The following PDE4B variants were observed in gnomAD, a reference collection of about 807,000 sequenced individuals.
PDE4B encodes the protein 3',5'-cyclic-AMP phosphodiesterase 4B.
Under a neutral mutation model 82.2 loss-of-function variants are expected in PDE4B, and 20 were observed. The ratio of observed to expected loss-of-function variants is 0.24; its 90% confidence interval spans 0.17 to 0.35. The LOEUF is 0.35. Among genes scored for constraint, PDE4B ranks in the 10% least tolerant of loss-of-function variants. The pLI, the probability that PDE4B is intolerant of heterozygous loss-of-function variation, is 1.00. For missense variants in PDE4B, 655 were observed against 907.2 expected (o/e 0.72, Z 3.57); for synonymous variants, 320 against 318.9 (o/e 1.00, Z -0.04).
chr1:66,268,071 A>G (rs1351110943), intron 7 of PDE4B, among the ~76,000 whole-genome samples: 3 of 152,218 alleles, frequency 2.0e-5, no homozygotes, highest in South Asian at 2.1e-4. Context: ...ATGTATTTCA[A>G]TTGAAATCTA....
chr1:65,860,023 A>ACT (rs776002773), intron 1 of PDE4B, among the ~76,000 whole-genome samples: 1 of 150,726 alleles, frequency 6.6e-6, no homozygotes, highest in Admixed American at 6.6e-5. Flanking sequence ...ATGAATTAAA[A>ACT]CTCTCTCTCT....
At chr1:66,352,374 G>A (rs1006214675) in intron 8 of PDE4B, among the ~76,000 whole-genome samples, 3 of 152,126 alleles carry the variant, frequency 2.0e-5, no homozygotes, top group Admixed American at 6.6e-5. Flanking sequence ...TAAACTATGC[G>A]GGAAAGGTGA....
intron 8 of PDE4B, among the ~76,000 whole-genome samples, chr1:66,337,194 G>T (rs935261357): frequency 6.6e-6 from 1 of 152,136 alleles, no homozygotes; most frequent in African/African-American, 2.4e-5. Context: ...CAGCAGTGCC[G>T]CCCTTAGCAT....
intron 7 of PDE4B, among the ~76,000 whole-genome samples, chr1:66,268,659 C>T (rs1267160923): frequency 1.0e-5 from 1 of 100,238 alleles, no homozygotes; most frequent in Admixed American, 1.3e-4. Flanking sequence ...CAGAGCAAGA[C>T]TCCATCTCAA....
intron 1 of PDE4B, among the ~76,000 whole-genome samples, chr1:65,793,772 T>A (rs1645600949): frequency 6.6e-6 from 1 of 152,096 alleles, no homozygotes; most frequent in Non-Finnish European, 1.5e-5. Context: ...TTTGGGAAGA[T>A]TTGTCTGGTG....
At chr1:65,941,096 T>C (rs925719702) in intron 3 of PDE4B, among the ~76,000 whole-genome samples, 11 of 152,060 alleles carry the variant, frequency 7.2e-5, no homozygotes, top group Admixed American at 6.6e-4. Context: ...GAGGTTTGAA[T>C]GTTATCTTAC....
chr1:65,992,632 A>C, intron 3 of PDE4B: 1 of 779,374 alleles, frequency 1.3e-6, no homozygotes, highest in South Asian at 4.1e-5. Flanking sequence ...TAGCTTGCAG[A>C]CAAACCTCAT....
In PDE4B at chr1:66,363,389, A is replaced by G; in HGVS notation, c.1120-18A>G. 1 of 1,601,594 alleles carries G rather than the reference A, an allele frequency of 6.2e-7. No homozygotes were observed. The highest frequency in any genetic ancestry group is 8.5e-7 in the Non-Finnish European group (1 of 1,172,518). On this transcript the variant is annotated intron_variant, in intron 11 of 16. Coordinates refer to ENST00000341517, the MANE Select transcript of PDE4B (RefSeq NM_002600.4). ...TGGACATCTACTTATTTATGTTCTAATCCATTTTACAACACAGGAAAGAGA... is the reference window on the plus strand; with the variant it reads ...TGGACATCTACTTATTTATGTTCTAGTCCATTTTACAACACAGGAAAGAGA...
At chr1:66,303,341 A>ATG (rs1203280434) in intron 7 of PDE4B, among the ~76,000 whole-genome samples, 38 of 119,898 alleles carry the variant, frequency 3.2e-4, no homozygotes, top group African/African-American at 9.9e-4. Context: ...TTATATATAT[A>ATG]TGTGTGTGTG....
At chr1:66,288,173 G>C (rs1366819530) in intron 7 of PDE4B, among the ~76,000 whole-genome samples, 3 of 151,984 alleles carry the variant, frequency 2.0e-5, no homozygotes, top group Non-Finnish European at 4.4e-5. Context: ...GAAGGTGAAG[G>C]GGAAGCAGGC....
At chr1:66,121,237 A>C (rs190657665) in intron 3 of PDE4B, among the ~76,000 whole-genome samples, 1 of 152,282 alleles carries the variant, frequency 6.6e-6, no homozygotes, top group Admixed American at 6.5e-5. Context: ...GGAAGGAATG[A>C]GCACTTCTGA....
chr1:65,973,096 A>G (rs1650230424), intron 3 of PDE4B, among the ~76,000 whole-genome samples: 1 of 152,162 alleles, frequency 6.6e-6, no homozygotes, highest in Non-Finnish European at 1.5e-5. Flanking sequence ...ATTAGGAAAA[A>G]AAATCAGCTC....
chr1:66,105,838 G>C (rs550347339), intron 3 of PDE4B, among the ~76,000 whole-genome samples: 2 of 151,728 alleles, frequency 1.3e-5, no homozygotes, highest in East Asian at 3.9e-4. Flanking sequence ...GGAGATTTTG[G>C]GCTGAGACAA....
At chr1:66,300,018 T>C (rs1181811210) in intron 7 of PDE4B, among the ~76,000 whole-genome samples, 2 of 152,262 alleles carry the variant, frequency 1.3e-5, no homozygotes, top group African/African-American at 2.4e-5. Flanking sequence ...AAAATGCATA[T>C]TGGAAAAATT....
At chr1:65,981,683 G>A (rs564700945) in intron 3 of PDE4B, among the ~76,000 whole-genome samples, 22 of 151,902 alleles carry the variant, frequency 1.4e-4, no homozygotes, top group Non-Finnish European at 3.1e-4. Flanking sequence ...TTCTTTATCC[G>A]TAAAGTGTAG....
chr1:66,089,331 G>C (rs1378598415), intron 3 of PDE4B, among the ~76,000 whole-genome samples: 1 of 152,048 alleles, frequency 6.6e-6, no homozygotes, highest in Non-Finnish European at 1.5e-5. Flanking sequence ...TTAGTGTTTT[G>C]ATTTTGTAAT....
chr1:66,209,760 A>G (rs1447293305), intron 3 of PDE4B, among the ~76,000 whole-genome samples: 9 of 152,204 alleles, frequency 5.9e-5, no homozygotes, highest in African/African-American at 1.2e-4. Flanking sequence ...AGAAGTTCAT[A>G]TAAAAGGAAT....
intron 8 of PDE4B, among the ~76,000 whole-genome samples, chr1:66,350,612 T>C (rs1212097729): frequency 6.6e-6 from 1 of 152,098 alleles, no homozygotes; most frequent in Non-Finnish European, 1.5e-5. Flanking sequence ...CTGGACTGTT[T>C]TATTCTCAAA....
chr1:66,142,413 G>A (rs1056250090), intron 3 of PDE4B, among the ~76,000 whole-genome samples: 1 of 152,124 alleles, frequency 6.6e-6, no homozygotes, highest in Non-Finnish European at 1.5e-5. Flanking sequence ...CCTTTGCCAA[G>A]AATTCAGTAT....
Sources: gnomAD v4.1 joint callset for allele counts (sites outside exome capture counted in the v4.1 genomes callset) on GRCh38, gnomAD v4.1.1 for gene constraint, MANE v1.5 for transcripts, NCBI Gene and HGNC (gene_info 2026-07-23, HGNC 2026-07-21) for gene names.